The following PCDHGA7 variants were observed in gnomAD, a reference collection of about 807,000 sequenced individuals.
The protein encoded by PCDHGA7 is protocadherin gamma-A7.
A neutral mutation model predicts 58.3 loss-of-function variants in PCDHGA7; 44 were observed. That is an observed-to-expected ratio of 0.75 (90% CI 0.59 to 0.97). The LOEUF is 0.97. Among genes scored for constraint, PCDHGA7 ranks in the 50% least tolerant of loss-of-function variants. PCDHGA7 has a pLI of 0.00. For missense variants in PCDHGA7, 1,266 were observed against 1,188.7 expected, an observed-to-expected ratio of 1.06 and a Z score of -0.96; for synonymous variants, 516 against 504.2, an observed-to-expected ratio of 1.02 and a Z score of -0.31.
intron 1 of PCDHGA7, chr5:141,423,320 T>C: frequency 6.2e-7 from 1 of 1,614,148 alleles, no homozygotes; most frequent in Non-Finnish European, 8.5e-7. Flanking sequence ...GTGGTGGCGG[T>C]GGCCGCAGTC....
At chr5:141,451,193 A>T (rs2098710240) in intron 1 of PCDHGA7, among the ~76,000 whole-genome samples, 1 of 152,208 alleles carries the variant, frequency 6.6e-6, no homozygotes, top group Non-Finnish European at 1.5e-5. Context: ...TGTGTAACAA[A>T]TTATCCCAAA....
intron 1 of PCDHGA7, chr5:141,423,612 T>G: frequency 6.2e-7 from 1 of 1,611,004 alleles, no homozygotes; most frequent in Non-Finnish European, 8.5e-7. Flanking sequence ...TCTTGATAGC[T>G]GAAGACTCAG....
chr5:141,436,207 A>G (rs544201723), intron 1 of PCDHGA7, among the ~76,000 whole-genome samples: 67 of 152,260 alleles, frequency 4.4e-4, no homozygotes, highest in Non-Finnish European at 7.9e-4. Flanking sequence ...ACATAATAGG[A>G]AAACAAATGA....
chr5:141,389,914 C>G (rs754458764), intron 1 of PCDHGA7: 1 of 1,614,074 alleles, frequency 6.2e-7, no homozygotes, highest in Non-Finnish European at 8.5e-7. Flanking sequence ...ACTGACCGCC[C>G]CGACCCCTCT....
chr5:141,422,398 C>T lies in PCDHGA7; in HGVS notation c.2424+37075C>T, dbSNP rs2096646163. On this transcript the variant is annotated intron_variant, in intron 1 of 3. Transcript: ENST00000518325. Reference sequence around the variant, plus strand: ...AGTCTCCTGTTTTATTCCTAACCACCTGCCTTTTAAATTAGAAAAGACTTA... The same window carrying T: ...AGTCTCCTGTTTTATTCCTAACCACTTGCCTTTTAAATTAGAAAAGACTTA... The T allele has an allele frequency of 1.9e-6, 3 of 1,597,634 alleles. No individual in the cohort carries two copies. In the Admixed American group the frequency reaches 5.3e-5, roughly 28 times the overall value.
chr5:141,415,452 C>T, intron 1 of PCDHGA7: 1 of 1,614,240 alleles, frequency 6.2e-7, no homozygotes, highest in South Asian at 1.1e-5. Flanking sequence ...CCTATTCCCA[C>T]GAGGTCTCTC....
chr5:141,418,424 G>A lies in PCDHGA7; in HGVS notation c.2424+33101G>A, dbSNP rs1427064246. Reference sequence around the variant, plus strand: ...GGTGGAGAAAGACAATCCTGATGGTGGCAAATATCCAGAATTAGTATTGCA... The same window carrying A: ...GGTGGAGAAAGACAATCCTGATGGTAGCAAATATCCAGAATTAGTATTGCA... On this transcript the variant is annotated intron_variant, in intron 1 of 3. Coordinates refer to ENST00000518325, the MANE Select transcript of PCDHGA7 (RefSeq NM_018920.4). 1 of 1,613,974 alleles carries A rather than the reference G, an allele frequency of 6.2e-7. No individual in the cohort carries two copies. Among genetic ancestry groups the A allele is most frequent in the Non-Finnish European group, 8.5e-7 (1 of 1,179,872 alleles).
intron 1 of PCDHGA7, chr5:141,420,076 TCCC>T: frequency 1.9e-6 from 3 of 1,613,956 alleles, no homozygotes; most frequent in Non-Finnish European, 2.5e-6. Context: ...GACCTGTGGG[TCCC>T]CCCAACTACA....
intron 1 of PCDHGA7, among the ~76,000 whole-genome samples, chr5:141,462,736 T>C (rs2099045667): frequency 6.6e-6 from 1 of 152,274 alleles, no homozygotes; most frequent in South Asian, 2.1e-4. Flanking sequence ...TTGTCACCTC[T>C]GTAATTCCTA....
At chr5:141,414,274 G>A (rs762803658) in intron 1 of PCDHGA7, 23 of 1,613,368 alleles carry the variant, frequency 1.4e-5, no homozygotes, top group Non-Finnish European at 1.9e-5. Flanking sequence ...TTCACCTCTG[G>A]GAACAGTCGT....
chr5:141,450,150 G>T (rs1314865325), intron 1 of PCDHGA7, among the ~76,000 whole-genome samples: 1 of 150,342 alleles, frequency 6.7e-6, no homozygotes, highest in Non-Finnish European at 1.5e-5. Flanking sequence ...GGGACTACAG[G>T]CATGTGCCAC....
intron 1 of PCDHGA7, among the ~76,000 whole-genome samples, chr5:141,465,824 T>A (rs1447359333): frequency 6.6e-6 from 1 of 152,076 alleles, no homozygotes; most frequent in Non-Finnish European, 1.5e-5. Context: ...ATCACATTTG[T>A]TTAAAATTTC....
At chr5:141,492,008 G>A (rs1201433644) in intron 1 of PCDHGA7, 21 of 616,588 alleles carry the variant, frequency 3.4e-5, no homozygotes, top group Admixed American at 2.9e-4. Flanking sequence ...CGATTTCCGC[G>A]GGTGTCGGGG....
At chr5:141,434,698 A>G (rs2097710714) in intron 1 of PCDHGA7, among the ~76,000 whole-genome samples, 1 of 152,070 alleles carries the variant, frequency 6.6e-6, no homozygotes, top group South Asian at 2.1e-4. Context: ...GTTAATAAAT[A>G]TGTGGGTAAA....
chr5:141,449,994 G>T (rs2098661673), intron 1 of PCDHGA7, among the ~76,000 whole-genome samples: 2 of 131,786 alleles, frequency 1.5e-5, no homozygotes, highest in Admixed American at 7.9e-5. Context: ...ATTGCATTTA[G>T]TTGCCATGTC....
chr5:141,420,277 A>C, intron 1 of PCDHGA7: 1 of 1,518,166 alleles, frequency 6.6e-7, no homozygotes, highest in Non-Finnish European at 8.9e-7. Flanking sequence ...TTAAACAGGT[A>C]AGTATTTAAA....
At chr5:141,392,903 G>A in intron 1 of PCDHGA7, 1 of 1,613,884 alleles carries the variant, frequency 6.2e-7, no homozygotes, top group South Asian at 1.1e-5. Flanking sequence ...GGAGGGGACA[G>A]ATTCGCTACT....
chr5:141,468,677 T>A (rs545029270), intron 1 of PCDHGA7: 1 of 150,902 alleles, frequency 6.6e-6, no homozygotes, highest in African/African-American at 2.4e-5. Flanking sequence ...CCATCCTGGC[T>A]AACACGGTGA....
At chr5:141,391,586 A>T (rs2092395151) in intron 1 of PCDHGA7, 1 of 152,234 alleles carries the variant, frequency 6.6e-6, no homozygotes. Flanking sequence ...TTCACAGGAA[A>T]ATATAAAGTT....
Sources: allele counts gnomAD v4.1 joint callset (sites outside exome capture counted in the v4.1 genomes callset), GRCh38; gene constraint gnomAD v4.1.1; transcripts MANE v1.5; gene names NCBI Gene and HGNC (gene_info 2026-07-23, HGNC 2026-07-21).